Variants in DCAF6 observed in about 807,000 individuals in gnomAD.
DCAF6 encodes DDB1- and CUL4-associated factor 6.
In DCAF6, 54 loss-of-function variants were observed where a neutral mutation model predicts 125.1. That is an observed-to-expected ratio of 0.43 (90% CI 0.35 to 0.54). The LOEUF (loss-of-function observed/expected upper bound fraction) is 0.54, where lower values mean the gene tolerates loss of function less well. Ranked by LOEUF, DCAF6 falls within the 20% of genes least tolerant of loss-of-function variation. The probability of loss-of-function intolerance (pLI) is 0.01; values close to 1 mark genes in which losing one functional copy is unlikely to be tolerated. For synonymous variants in DCAF6, 371 were observed against 390.4 expected (o/e 0.95, Z 0.58); for missense variants, 934 against 1,161.7 (o/e 0.80, Z 2.85).
intron 17 of DCAF6, among the ~76,000 whole-genome samples, chr1:168,054,671 A>T (rs1366807475): frequency 6.6e-6 from 1 of 152,238 alleles, no homozygotes; most frequent in Non-Finnish European, 1.5e-5. Flanking sequence ...TTTATAATTT[A>T]AATGTAAATT....
chr1:167,938,162 G>C (rs1458070958), intron 1 of DCAF6, among the ~76,000 whole-genome samples: 1 of 152,008 alleles, frequency 6.6e-6, no homozygotes, highest in African/African-American at 2.4e-5. Context: ...ATTTCACTCC[G>C]CCACCCTTAG....
At chr1:167,989,275 T>C (rs1490547067) in intron 5 of DCAF6, among the ~76,000 whole-genome samples, 2 of 152,188 alleles carry the variant, frequency 1.3e-5, no homozygotes, top group African/African-American at 4.8e-5. Flanking sequence ...AATTTTGTTA[T>C]TGCAAACTCT....
chr1:167,880,167 AC>A, the DCAF6 span: 1 of 1,613,462 alleles, frequency 6.2e-7, no homozygotes, highest in Non-Finnish European at 8.5e-7. Context: ...AGACAATCCC[AC>A]TGGCAACACC....
chr1:168,055,789 TC>T (rs1332804497), intron 17 of DCAF6: 6 of 718,778 alleles, frequency 8.3e-6, no homozygotes, highest in Admixed American at 5.1e-5. Context: ...AGTTTTTTTT[TC>T]CCCATCGGTA....
intron 11 of DCAF6, chr1:168,019,403 A>G (rs1685398742): frequency 6.8e-6 from 2 of 292,918 alleles, no homozygotes; most frequent in Admixed American, 4.1e-5. Flanking sequence ...ATGTCCTCAT[A>G]TAAAGGCCCC....
chr1:167,934,553 A>G (rs75872059), upstream of DCAF6, among the ~76,000 whole-genome samples: 46 of 152,286 alleles, frequency 3.0e-4, no homozygotes, highest in African/African-American at 7.9e-4. Context: ...GCAGTAAATA[A>G]TATTAAGGGT....
At chr1:168,072,322 A>AAAAAG (rs1553253848) in intron 21 of DCAF6, among the ~76,000 whole-genome samples, 128 of 145,430 alleles carry the variant, frequency 8.8e-4, no homozygotes, top group African/African-American at 3.3e-3. Context: ...AAAAAAAAAA[A>AAAAAG]AAAGAAAAGA....
At chr1:167,903,499 G>A in the DCAF6 span, among the ~76,000 whole-genome samples, 4 of 151,982 alleles carry the variant, frequency 2.6e-5, no homozygotes, top group Non-Finnish European at 2.9e-5. Flanking sequence ...AGGAGGCGAA[G>A]GTTGCAGTGA....
chr1:167,880,519 C>G, the DCAF6 span: 2 of 1,613,952 alleles, frequency 1.2e-6, no homozygotes, highest in African/African-American at 1.3e-5. Flanking sequence ...GAGCAGAAGT[C>G]AAATATATCC....
intron 6 of DCAF6, among the ~76,000 whole-genome samples, chr1:167,991,899 T>C (rs1393214251): frequency 6.6e-6 from 1 of 152,052 alleles, no homozygotes; most frequent in Non-Finnish European, 1.5e-5. Context: ...CTGGATTAGG[T>C]GGGCCCTAAT....
chr1:167,869,508 G>A, the DCAF6 span, among the ~76,000 whole-genome samples: 4 of 152,192 alleles, frequency 2.6e-5, no homozygotes, highest in African/African-American at 7.2e-5. Context: ...CTAAAGGCAG[G>A]TAGCCCGGCG....
chr1:167,937,208 C>T (rs1361149897), intron 1 of DCAF6, 200 bp downstream of exon 1: 9 of 598,964 alleles, frequency 1.5e-5, no homozygotes, highest in Admixed American at 3.1e-5. Flanking sequence ...TGCCAGCCGC[C>T]GCCCTTGCTG....
chr1:168,062,082 A>G (rs1691662586), intron 17 of DCAF6, among the ~76,000 whole-genome samples: 1 of 152,168 alleles, frequency 6.6e-6, no homozygotes, highest in South Asian at 2.1e-4. Flanking sequence ...AAAAGGATGA[A>G]TGAACTACAG....
In DCAF6 at chr1:167,942,626, A is replaced by G. The variant is rs371943166; in HGVS notation, c.97+5618A>G. Among the ~76,000 whole-genome samples, 7 of 152,246 alleles carry G rather than the reference A, an allele frequency of 4.6e-5. No homozygotes were observed. In the East Asian group the frequency reaches 1.2e-3, roughly 25 times the overall value. ...AATCTTTACCTAATCCAAGGTAACA[A>G]AGATTTTTACTTTTTTTTTCCTGGA... On this transcript the variant is annotated intron_variant, in intron 1 of 21. Coordinates refer to ENST00000367840, the MANE Select transcript of DCAF6 (RefSeq NM_001198956.2).
the DCAF6 span, among the ~76,000 whole-genome samples, chr1:167,925,627 A>C: frequency 6.7e-6 from 1 of 148,878 alleles, no homozygotes; most frequent in East Asian, 2.0e-4. Flanking sequence ...GCTCACTGCA[A>C]CCTCCACCTC....
chr1:167,935,110 AATG>A (rs1230621020), upstream of DCAF6, among the ~76,000 whole-genome samples: 2 of 152,164 alleles, frequency 1.3e-5, no homozygotes, highest in Non-Finnish European at 2.9e-5. Context: ...GGTAGAAGAG[AATG>A]ATATCCAGGT....
intron 17 of DCAF6, 138 bp downstream of exon 17, chr1:168,051,071 A>C (rs1274215386): frequency 6.9e-6 from 3 of 437,548 alleles, no homozygotes; most frequent in Non-Finnish European, 1.2e-5. Context: ...AAGCATTGTA[A>C]AGCAGGTCGC....
upstream of DCAF6, among the ~76,000 whole-genome samples, chr1:167,932,558 C>T (rs1670939622): frequency 6.6e-6 from 1 of 151,886 alleles, no homozygotes; most frequent in Admixed American, 6.6e-5. Context: ...CCTGTAATCC[C>T]AGCACTTTGG....
chr1:167,930,141 T>G, the DCAF6 span, among the ~76,000 whole-genome samples: 1 of 152,214 alleles, frequency 6.6e-6, no homozygotes, highest in Admixed American at 6.5e-5. Flanking sequence ...ATTTTAATAT[T>G]TTCCACAATG....
Sources: gnomAD v4.1 joint callset for allele counts (sites outside exome capture counted in the v4.1 genomes callset) on GRCh38, gnomAD v4.1.1 for gene constraint, MANE v1.5 for transcripts, NCBI Gene and HGNC (gene_info 2026-07-23, HGNC 2026-07-21) for gene names.